Variants in FRMPD1 observed in about 807,000 individuals in gnomAD.
FRMPD1 encodes FERM and PDZ domain-containing protein 1.
Under a neutral mutation model 117.8 loss-of-function variants are expected in FRMPD1, and 76 were observed. The ratio of observed to expected loss-of-function variants is 0.65; its 90% CI spans 0.54 to 0.78. The LOEUF is 0.78. Among genes scored for constraint, FRMPD1 ranks in the 30% least tolerant of loss-of-function variants. The pLI is 0.00. For missense variants in FRMPD1, 1,786 were observed against 1,964.5 expected (o/e 0.91, Z 1.72); for synonymous variants, 783 against 770.4 (o/e 1.02, Z -0.27).
chr9:37,703,680 ACTCCCAAAC>A (rs1337081573), intron 2 of FRMPD1, among the ~76,000 whole-genome samples: 6 of 151,940 alleles, frequency 3.9e-5, no homozygotes, highest in Admixed American at 3.3e-4. Context: ...ATTAGCAGTG[ACTCCCAAAC>A]CTCCCAAACC....
Position 37,740,960 on chromosome 9 carries a change from A to T in FRMPD1, c.2356+76A>T. On this transcript the variant is annotated intron_variant, in intron 15 of 15. Coordinates refer to ENST00000377765, the MANE Select transcript of FRMPD1 (RefSeq NM_014907.3). This position sits in a 1 kb window ranked among gnomAD's most constrained non-coding sequence, Gnocchi z 4.2. Reference sequence around the variant, plus strand: ...CTCCCGGGGATCAAGGCCTGGGGCCAAGCTTGAGAGGAAGGCACATGAGTG... The same window carrying T: ...CTCCCGGGGATCAAGGCCTGGGGCCTAGCTTGAGAGGAAGGCACATGAGTG... 8.9e-7 allele frequency: 1 copy of T among 1,129,180 alleles called. No homozygotes were observed. Among genetic ancestry groups the T allele is most frequent in the Non-Finnish European group, 1.3e-6 (1 of 745,806 alleles). The allele number at this position is 1,129,180 out of a possible 1,614,324, so 69.9% of individuals were successfully genotyped here.
chr9:37,659,500 G>T (rs1195749883), intron 1 of FRMPD1, among the ~76,000 whole-genome samples: 1 of 152,166 alleles, frequency 6.6e-6, no homozygotes, highest in Non-Finnish European at 1.5e-5. Context: ...GGTTTTGTCA[G>T]TGGGAAGGAG....
chr9:37,620,249 A>G, the FRMPD1 span, among the ~76,000 whole-genome samples: 2 of 152,240 alleles, frequency 1.3e-5, no homozygotes, highest in African/African-American at 4.8e-5. Flanking sequence ...CCTCCAGGTC[A>G]CAGCATCACA....
chr9:37,621,122 A>G, the FRMPD1 span, among the ~76,000 whole-genome samples: 2 of 152,224 alleles, frequency 1.3e-5, no homozygotes, highest in Non-Finnish European at 2.9e-5. Context: ...TCTTCATTAC[A>G]ATATTTCATA....
At chr9:37,707,628 C>T (rs1822761853) in intron 3 of FRMPD1, 55 bp downstream of exon 3, 1 of 1,379,004 alleles carries the variant, frequency 7.3e-7, no homozygotes, top group Non-Finnish European at 1.0e-6. Flanking sequence ...GGGAAATAGC[C>T]CCAAATCTCC....
chr9:37,682,149 G>C (rs892166247), intron 1 of FRMPD1, among the ~76,000 whole-genome samples: 2 of 152,220 alleles, frequency 1.3e-5, no homozygotes, highest in Non-Finnish European at 2.9e-5. Context: ...CTTTGGAACA[G>C]AGAATTACTT....
At chr9:37,736,456 A>C (rs1466527371) in intron 13 of FRMPD1, among the ~76,000 whole-genome samples, 1 of 150,398 alleles carries the variant, frequency 6.6e-6, no homozygotes, top group Non-Finnish European at 1.5e-5. Context: ...ACTTAAACCC[A>C]GGAGGCAGAG....
At chr9:37,637,963 G>GCTTTCT in the FRMPD1 span, among the ~76,000 whole-genome samples, 4 of 100,030 alleles carry the variant, frequency 4.0e-5, no homozygotes, top group Non-Finnish European at 6.1e-5. Flanking sequence ...AATGGTGTAT[G>GCTTTCT]CTTTCTTTCT....
chr9:37,616,095 G>A, the FRMPD1 span, among the ~76,000 whole-genome samples: 1 of 143,762 alleles, frequency 7.0e-6, no homozygotes, highest in Non-Finnish European at 1.5e-5. Flanking sequence ...GGGATTACAG[G>A]CATGAGCCAC....
rs573955616 is a variant in FRMPD1 at position 37,667,062 on chromosome 9, C to CTTTTTTT, written c.-5+15978_-5+15984dup. 1.4e-4 allele frequency among the ~76,000 whole-genome samples: 16 copies of CTTTTTTT among 111,040 alleles called. 1 individual carries two copies. The highest frequency in any genetic ancestry group is 4.7e-4 in the African/African-American group (12 of 25,316). 72.8% of individuals were successfully genotyped at this position (111,040 alleles called of 152,430 possible). A position where few individuals can be genotyped will look rare whatever the true frequency, so the allele number is the denominator to read the frequency against. ...GGAAAAGAGAGACAATTGAAGCATGCTTTTTTTTTTTTTTTTCCTGAGACA... is the reference window on the plus strand; with the variant it reads ...GGAAAAGAGAGACAATTGAAGCATGCTTTTTTTTTTTTTTTTTTTTTTTCCTGAGACA... On this transcript the variant is annotated intron_variant, in intron 1 of 15. Transcript: ENST00000377765.
At chr9:37,640,907 G>A in the FRMPD1 span, among the ~76,000 whole-genome samples, 53 of 152,214 alleles carry the variant, frequency 3.5e-4, no homozygotes, top group African/African-American at 1.3e-3. Context: ...TAGAGACAGG[G>A]TCTCGCTCTA....
chr9:37,629,086 C>A, the FRMPD1 span, among the ~76,000 whole-genome samples: 1 of 152,136 alleles, frequency 6.6e-6, no homozygotes, highest in Admixed American at 6.5e-5. Flanking sequence ...GTGGTCCCAG[C>A]TACTCAGGAG....
At chr9:37,630,817 A>G in the FRMPD1 span, among the ~76,000 whole-genome samples, 4 of 152,202 alleles carry the variant, frequency 2.6e-5, no homozygotes, top group Non-Finnish European at 5.9e-5. Flanking sequence ...TTCTTTGTGG[A>G]GCTCCCATGA....
At position 37,729,832 on chromosome 9, in the gene FRMPD1, C is replaced by T. The variant is rs769673767; in HGVS notation, c.717C>T (p.His239=). The T allele has an allele frequency of 2.7e-5, 43 of 1,613,700 alleles. No individual in the cohort carries two copies. Among genetic ancestry groups the T allele is most frequent in the African/African-American group, 4.0e-5 (3 of 74,980 alleles). Reference sequence around the variant, plus strand: ...GCATCTCCCGGCTGCACCTGCTGCACGAAGAGGAACTCATCCAGCAGGTAG... The same window carrying T: ...GCATCTCCCGGCTGCACCTGCTGCATGAAGAGGAACTCATCCAGCAGGTAG... The part of the protein sequence containing the change: ...QYSISRLHLL[H]EEELIQQVVE... Residue 239 remains histidine, a synonymous_variant, in exon 8 of 16, where the codon CAC becomes CAT. Coordinates refer to ENST00000377765, the MANE Select transcript of FRMPD1 (RefSeq NM_014907.3).
chr9:37,745,944 T>C lies in FRMPD1; in HGVS notation c.3912T>C (p.Pro1304=). 6.2e-7 allele frequency: 1 copy of C among 1,614,260 alleles called. No homozygotes were observed. The highest frequency in any genetic ancestry group is 8.5e-7 in the Non-Finnish European group (1 of 1,180,040). ...TGTGCTTTGCCCCAGAAAGCCATCC[T>C]GAAGTCTCTGCCAGTCTCAGGGTGG... The part of the protein sequence containing the change: ...SFLCFAPESH[P]EVSASLRVAT... Residue 1304 remains proline (P), a synonymous_variant, in exon 16 of 16, where the codon CCT becomes CCC. Transcript: ENST00000377765.
rs1320272032 is a variant in FRMPD1, at chr9:37,740,922, A to G, written c.2356+38A>G. 9.1e-6 allele frequency: 14 copies of G among 1,532,778 alleles called. No individual in the cohort carries two copies. Among genetic ancestry groups the G allele is most frequent in the Non-Finnish European group, 1.3e-5 (14 of 1,105,972 alleles). 94.9% of individuals were successfully genotyped at this position (1,532,778 alleles called of 1,614,324 possible). ...TTGCAGGTCTGCAGACACGGCAGGC[A>G]GCTCCTGAGTGCCTCCCGGGGATCA... is the stretch of plus-strand genomic sequence containing the variant. On this transcript the variant is annotated intron_variant, in intron 15 of 15. Coordinates refer to ENST00000377765, the MANE Select transcript of FRMPD1 (RefSeq NM_014907.3). This position sits in a 1 kb window ranked among gnomAD's most constrained non-coding sequence, Gnocchi z 4.2.
chr9:37,692,769 T>C (rs1232028847), intron 2 of FRMPD1, 27 bp downstream of exon 2: 5 of 1,534,670 alleles, frequency 3.3e-6, no homozygotes, highest in Non-Finnish European at 4.5e-6. Flanking sequence ...TGCAGATTTC[T>C]GTCTATAAAG....
intron 1 of FRMPD1, among the ~76,000 whole-genome samples, chr9:37,658,380 G>T (rs1410823267): frequency 6.6e-6 from 1 of 152,216 alleles, no homozygotes; most frequent in Admixed American, 6.5e-5. Context: ...GGGGTCGGGT[G>T]AGTGAGCCCC....
intron 1 of FRMPD1, among the ~76,000 whole-genome samples, chr9:37,668,809 G>A (rs1821252552): frequency 6.6e-6 from 1 of 152,054 alleles, no homozygotes; most frequent in South Asian, 2.1e-4. Flanking sequence ...TTTATTATGG[G>A]TTCTTCTCAA....
Sources: allele counts gnomAD v4.1 joint callset (sites outside exome capture counted in the v4.1 genomes callset), GRCh38; gene constraint gnomAD v4.1.1; non-coding constraint Gnocchi (gnomAD v3.1); transcripts MANE v1.5; gene names NCBI Gene and HGNC (gene_info 2026-07-23, HGNC 2026-07-21).